The following ZNF766 variants were observed in gnomAD, a reference collection of about 807,000 sequenced individuals.
ZNF766 encodes zinc finger protein 766.
In ZNF766, 13 loss-of-function variants were observed where a neutral mutation model predicts 13.2. The ratio of observed to expected loss-of-function variants is 0.98; its 90% confidence interval spans 0.64 to 1.56. The LOEUF (loss-of-function observed/expected upper bound fraction) is 1.56. Among genes scored for constraint, ZNF766 ranks in the 40% most tolerant of loss-of-function variants. The pLI is 0.00. For missense variants in ZNF766, 521 were observed against 552.2 expected, an observed-to-expected ratio of 0.94 and a Z score of 0.57; for synonymous variants, 178 against 187.6, an observed-to-expected ratio of 0.95 and a Z score of 0.42.
chr19:52,280,476 G>A (rs1981448888), intron 1 of ZNF766, among the ~76,000 whole-genome samples: 1 of 152,202 alleles, frequency 6.6e-6, no homozygotes, highest in Non-Finnish European at 1.5e-5. Context: ...TAAACTAAGT[G>A]TGTGTAAGTG....
At position 52,290,844 on chromosome 19, in the gene ZNF766, A is replaced by C. The variant is rs759448193; in HGVS notation, c.1053A>C (p.Gly351=). ...SLTTHLLIHT[G]EKPYKCKECD... is the part of the protein sequence containing the mutation. ...CCACCCATCTGTTAATCCACACTGG[A>C]GAGAAACCTTACAAATGTAAAGAAT... Residue 351 remains glycine, a synonymous_variant, in exon 4 of 4, where the codon GGA becomes GGC. Coordinates refer to ENST00000439461, the MANE Select transcript of ZNF766 (RefSeq NM_001010851.3). 4 of 1,614,046 alleles carry C rather than the reference A, an allele frequency of 2.5e-6. No individual in the cohort carries two copies. The East Asian group carries it at 8.9e-5, about 36-fold the overall frequency.
rs776820154 is a variant in ZNF766, at chr19:52,290,612, A to G, written c.821A>G (p.Asn274Ser). Residue 274 changes from asparagine (N) to serine (S), a missense_variant, in exon 4 of 4, where the codon AAT becomes AGT. Transcript: ENST00000439461. ...ACTGGAGAGAGTCCTTACAAATGTAATGAGTGTGGCAAGGTCTTCAGTCGA... is the reference window on the plus strand; with the variant it reads ...ACTGGAGAGAGTCCTTACAAATGTAGTGAGTGTGGCAAGGTCTTCAGTCGA... The part of the protein sequence containing the change: ...VHTGESPYKC[N>S]ECGKVFSRIT... 6.2e-7 allele frequency: 1 copy of G among 1,614,130 alleles called. No individual in the cohort carries two copies. Among genetic ancestry groups the G allele is most frequent in the Non-Finnish European group, 8.5e-7 (1 of 1,180,000 alleles).
intron 3 of ZNF766, among the ~76,000 whole-genome samples, chr19:52,287,158 T>C (rs1317050676): frequency 2.7e-5 from 4 of 150,138 alleles, no homozygotes; most frequent in African/African-American, 9.9e-5. Flanking sequence ...TCTTTTTTTT[T>C]TTGAGACGGA....
At chr19:52,288,500 T>TGGGACTACAAGCACAC (rs35618371) in intron 3 of ZNF766, among the ~76,000 whole-genome samples, 2 of 152,090 alleles carry the variant, frequency 1.3e-5, no homozygotes, top group Admixed American at 1.3e-4. Context: ...CCTGCGTAGT[T>TGGGACTACAAGCACAC]GGGACTACAA....
intron 3 of ZNF766, among the ~76,000 whole-genome samples, chr19:52,283,865 G>T (rs1469324004): frequency 6.6e-6 from 1 of 152,190 alleles, no homozygotes; most frequent in Non-Finnish European, 1.5e-5. Context: ...AACCTCCCAA[G>T]TAGCTGGGAT....
intron 3 of ZNF766, among the ~76,000 whole-genome samples, chr19:52,289,427 C>T (rs1032925285): frequency 2.0e-5 from 3 of 151,792 alleles, no homozygotes; most frequent in Non-Finnish European, 4.4e-5. Flanking sequence ...GCTGGGATTA[C>T]AGCCACCACA....
At chr19:52,286,292 G>C (rs1298663395) in intron 3 of ZNF766, among the ~76,000 whole-genome samples, 1 of 150,248 alleles carries the variant, frequency 6.7e-6, no homozygotes, top group East Asian at 1.9e-4. Context: ...TAAGTTCCTC[G>C]TATTCCTAGT....
chr19:52,273,538 CAG>C (rs1981066037), intron 1 of ZNF766, among the ~76,000 whole-genome samples: 1 of 152,214 alleles, frequency 6.6e-6, no homozygotes, highest in Non-Finnish European at 1.5e-5. Flanking sequence ...GCTCCTGCCT[CAG>C]GGCTTCCACC....
chr19:52,281,914 A>G (rs1981542525), intron 1 of ZNF766, 197 bp from the exon 2 acceptor site: 5 of 657,172 alleles, frequency 7.6e-6, no homozygotes, highest in Non-Finnish European at 8.1e-6. Flanking sequence ...TTTAAAGAAT[A>G]TCATAACTTT....
rs1005102273 is a variant in ZNF766 at position 52,294,983 on chromosome 19, T to A, written c.*3785T>A. 1.3e-5 allele frequency: 2 copies of A among 151,216 alleles called. No individual in the cohort carries two copies. The highest frequency in any genetic ancestry group is 3.9e-4 in the East Asian group (2 of 5,170). 9.4% of individuals were successfully genotyped at this position (151,216 alleles called of 1,614,324 possible). A position where few individuals can be genotyped will look rare whatever the true frequency, so the allele number is the denominator to read the frequency against. On this transcript the variant is annotated 3_prime_UTR_variant, in exon 4 of 4. Coordinates refer to ENST00000439461, the MANE Select transcript of ZNF766 (RefSeq NM_001010851.3). Reference sequence around the variant, plus strand: ...GATTAAAATATATTTGTTATAAATATGATATTACTAGAAGAGCATTTTTCC... The same window carrying A: ...GATTAAAATATATTTGTTATAAATAAGATATTACTAGAAGAGCATTTTTCC...
intron 1 of ZNF766, among the ~76,000 whole-genome samples, chr19:52,272,724 C>T (rs1600193559): frequency 6.6e-6 from 1 of 152,124 alleles, no homozygotes; most frequent in African/African-American, 2.4e-5. Context: ...ACACACTACC[C>T]TTCCTTATCA....
chr19:52,285,627 C>T (rs749300165), intron 3 of ZNF766, among the ~76,000 whole-genome samples: 1 of 152,222 alleles, frequency 6.6e-6, no homozygotes, highest in Non-Finnish European at 1.5e-5. Flanking sequence ...TCCAGGAAGC[C>T]GCCATGTGTT....
chr19:52,292,089 AG>A lies in ZNF766; in HGVS notation c.*893del. 1.4e-6 allele frequency: 1 copy of A among 696,032 alleles called. No homozygotes were observed. The highest frequency in any genetic ancestry group is 2.6e-6 in the Non-Finnish European group (1 of 382,834). 43.1% of individuals were successfully genotyped at this position (696,032 alleles called of 1,614,324 possible). A position where few individuals can be genotyped will look rare whatever the true frequency, so the allele number is the denominator to read the frequency against. ...GAGACCCTGTCTCAAAAGAAAAAAA[AG>A]GCTAGTTTTTATGACTTCAACCTGA... On this transcript the variant is annotated 3_prime_UTR_variant, in exon 4 of 4. Transcript: ENST00000439461.
In ZNF766 at chr19:52,271,777, C is replaced by T. The variant is rs556535875; in HGVS notation, c.18+2146C>T. ...GAGTTCCAGACCAGCCTGGCCAGCA[C>T]GGTGAAACCCCATGTCTACTAAAAA... is the stretch of plus-strand genomic sequence containing the variant. On this transcript the variant is annotated intron_variant, in intron 1 of 3. Coordinates refer to ENST00000439461, the MANE Select transcript of ZNF766 (RefSeq NM_001010851.3). Among the ~76,000 whole-genome samples, 8 of 152,166 alleles carry T rather than the reference C, an allele frequency of 5.3e-5. No homozygotes were observed. In the South Asian group the frequency reaches 1.5e-3, roughly 28 times the overall value.
chr19:52,290,874 CAA>C lies in ZNF766; in HGVS notation c.1085_1086del (p.Lys362SerfsTer3). 1.2e-6 allele frequency: 2 copies of C among 1,613,934 alleles called. No homozygotes were observed. Among genetic ancestry groups the C allele is most frequent in the Non-Finnish European group, 1.7e-6 (2 of 1,179,956 alleles). On this transcript the variant is annotated frameshift_variant, in exon 4 of 4. Transcript: ENST00000439461. LOFTEE classifies it low-confidence loss of function (END_TRUNC). The part of the protein sequence containing the change: ...EKPYKCKECD[K>X]AFRHKFSLTV... ...AACCTTACAAATGTAAAGAATGTGA[CAA>C]AGCTTTTAGGCACAAGTTCTCCCTG...
At position 52,291,940 on chromosome 19, in the gene ZNF766, C is replaced by T. The variant is rs567174406; in HGVS notation, c.*742C>T. The T allele has an allele frequency of 2.6e-5, 14 of 539,610 alleles. No individual in the cohort carries two copies. In the South Asian group the frequency reaches 3.4e-4, roughly 13 times the overall value. The allele number at this position is 539,610 out of a possible 1,614,324, so 33.4% of individuals were successfully genotyped here. ...TAAAAAAAATAAGCCAGGCCCTTGG[C>T]ATGTGTCTGTAGTTCCAGCTACTCA... is the stretch of plus-strand genomic sequence containing the variant. On this transcript the variant is annotated 3_prime_UTR_variant, in exon 4 of 4. Transcript: ENST00000439461.
chr19:52,272,868 C>T (rs899074850), intron 1 of ZNF766, among the ~76,000 whole-genome samples: 5 of 152,146 alleles, frequency 3.3e-5, no homozygotes, highest in Non-Finnish European at 4.4e-5. Flanking sequence ...TCTCCACCTT[C>T]GTATGTGCCA....
At chr19:52,277,538 T>A in intron 1 of ZNF766, 1 of 1,571,860 alleles carries the variant, frequency 6.4e-7, no homozygotes, top group Non-Finnish European at 8.6e-7. Flanking sequence ...TGCCACTTAC[T>A]CAGGTAAAGT....
intron 1 of ZNF766, among the ~76,000 whole-genome samples, chr19:52,279,451 G>A (rs896012242): frequency 2.6e-5 from 4 of 152,080 alleles, no homozygotes; most frequent in Admixed American, 6.6e-5. Context: ...AATTCTTTGG[G>A]CAGTATGGTC....
Sources: allele counts gnomAD v4.1 joint callset (sites outside exome capture counted in the v4.1 genomes callset), GRCh38; gene constraint gnomAD v4.1.1; transcripts MANE v1.5; gene names NCBI Gene and HGNC (gene_info 2026-07-23, HGNC 2026-07-21).